Variants in CSMD1 observed in about 807,000 individuals in gnomAD.
CSMD1 encodes the protein CUB and Sushi multiple domains 1.
Under a neutral mutation model 417.5 loss-of-function variants are expected in CSMD1, and 213 were observed. That is an observed-to-expected ratio of 0.51 (90% confidence interval 0.46 to 0.57). CSMD1 has a LOEUF of 0.57. CSMD1 is among the 20% of genes least tolerant of loss of function. CSMD1 has a pLI of 0.00. For missense variants in CSMD1, 6,923 were observed against 4,529.7 expected (o/e 1.53, Z -15.17); for synonymous variants, 2,862 against 1,736.8 (o/e 1.65, Z -16.11).
chr8:3,510,732 T>C (rs1797029808), intron 10 of CSMD1, among the ~76,000 whole-genome samples: 1 of 151,840 alleles, frequency 6.6e-6, no homozygotes, highest in Non-Finnish European at 1.5e-5. Flanking sequence ...CTCATTGTGG[T>C]TTTGATTTGC....
At chr8:4,908,952 T>C (rs987325466) in intron 1 of CSMD1, among the ~76,000 whole-genome samples, 2 of 152,190 alleles carry the variant, frequency 1.3e-5, no homozygotes, top group Non-Finnish European at 2.9e-5. Flanking sequence ...TCCGAACGTG[T>C]TTTCCTTGCC....
intron 2 of CSMD1, among the ~76,000 whole-genome samples, chr8:4,630,088 CA>C (rs1295293055): frequency 6.6e-6 from 1 of 152,106 alleles, no homozygotes; most frequent in Non-Finnish European, 1.5e-5. Flanking sequence ...TTAGCTACCG[CA>C]AAACACACCA....
At chr8:4,977,384 A>C (rs1214310621) in intron 1 of CSMD1, among the ~76,000 whole-genome samples, 1 of 152,130 alleles carries the variant, frequency 6.6e-6, no homozygotes, top group Non-Finnish European at 1.5e-5. Flanking sequence ...TCCTCATGGC[A>C]CAAGTTGAAA....
intron 5 of CSMD1, among the ~76,000 whole-genome samples, chr8:3,936,955 C>A (rs78938447): frequency 1.8e-4 from 28 of 152,004 alleles, no homozygotes; most frequent in Non-Finnish European, 2.9e-5. Flanking sequence ...AATACCAGCA[C>A]GAACAGGAGT....
At chr8:4,606,788 G>A (rs577048150) in intron 2 of CSMD1, among the ~76,000 whole-genome samples, 1 of 152,266 alleles carries the variant, frequency 6.6e-6, no homozygotes, top group Non-Finnish European at 1.5e-5. Flanking sequence ...ACATAAAGGG[G>A]AGTATCATTT....
At chr8:3,027,750 C>G (rs1487193723) in intron 51 of CSMD1, among the ~76,000 whole-genome samples, 2 of 152,148 alleles carry the variant, frequency 1.3e-5, no homozygotes, top group Non-Finnish European at 2.9e-5. Flanking sequence ...CACCAGAATA[C>G]AGTTGATAAA....
At chr8:3,700,804 G>C (rs1800816746) in intron 7 of CSMD1, among the ~76,000 whole-genome samples, 1 of 152,136 alleles carries the variant, frequency 6.6e-6, no homozygotes, top group Non-Finnish European at 1.5e-5. Context: ...TGGGAGCAAA[G>C]GAGTTCTTTG....
chr8:4,081,868 A>G (rs953583900), intron 3 of CSMD1, among the ~76,000 whole-genome samples: 3 of 152,188 alleles, frequency 2.0e-5, no homozygotes, highest in African/African-American at 4.8e-5. Context: ...AAAATAAGAC[A>G]TATCAAAATG....
chr8:3,241,187 C>T (rs1585761006), intron 26 of CSMD1, among the ~76,000 whole-genome samples: 1 of 151,354 alleles, frequency 6.6e-6, no homozygotes, highest in Non-Finnish European at 1.5e-5. Context: ...GTGTCTCGGC[C>T]TAATAAGGGA....
At chr8:4,072,785 G>A (rs186612929) in intron 3 of CSMD1, among the ~76,000 whole-genome samples, 23 of 152,270 alleles carry the variant, frequency 1.5e-4, no homozygotes, top group Middle Eastern at 6.8e-3. Context: ...TCACAGTCAT[G>A]GAAATTGAGT....
chr8:4,052,097 T>C (rs1326068127), intron 3 of CSMD1, among the ~76,000 whole-genome samples: 2 of 151,968 alleles, frequency 1.3e-5, no homozygotes, highest in Non-Finnish European at 2.9e-5. Flanking sequence ...AATTTCTGTA[T>C]TTTTAAAAAT....
chr8:3,428,949 C>T (rs1326470280), intron 12 of CSMD1, among the ~76,000 whole-genome samples: 4 of 152,156 alleles, frequency 2.6e-5, no homozygotes, highest in African/African-American at 9.7e-5. Context: ...GAAAGACAAG[C>T]ACATCATCAT....
intron 3 of CSMD1, among the ~76,000 whole-genome samples, chr8:4,234,424 GA>G (rs1801926299): frequency 6.6e-6 from 1 of 152,030 alleles, no homozygotes; most frequent in African/African-American, 2.4e-5. Flanking sequence ...CTCTTCCATG[GA>G]AACTACCTTT....
chr8:4,163,452 A>G (rs1563207737), intron 3 of CSMD1, among the ~76,000 whole-genome samples: 1 of 152,252 alleles, frequency 6.6e-6, no homozygotes, highest in East Asian at 1.9e-4. Flanking sequence ...TTACGTTTGT[A>G]TTTTAATGTG....
chr8:4,190,235 G>T (rs1189563649), intron 3 of CSMD1, among the ~76,000 whole-genome samples: 1 of 145,354 alleles, frequency 6.9e-6, no homozygotes, highest in Non-Finnish European at 1.5e-5. Flanking sequence ...CTCCAGCCTG[G>T]GCAACAAACT....
intron 11 of CSMD1, among the ~76,000 whole-genome samples, chr8:3,475,732 A>T (rs1235123663): frequency 6.6e-6 from 1 of 152,220 alleles, no homozygotes; most frequent in Non-Finnish European, 1.5e-5. Context: ...AACAGTGATT[A>T]TTTCTCCAAT....
At chr8:3,575,317 C>T (rs180891187) in intron 9 of CSMD1, among the ~76,000 whole-genome samples, 1 of 152,104 alleles carries the variant, frequency 6.6e-6, no homozygotes, top group Non-Finnish European at 1.5e-5. Context: ...TATCCACTCA[C>T]CAAAGGATCT....
At chr8:4,596,502 A>G (rs4875368) in intron 2 of CSMD1, among the ~76,000 whole-genome samples, 68,836 of 152,034 alleles carry the variant, frequency 0.45, 17,806 homozygotes, top group Non-Finnish European at 0.58. Context: ...TGTATAACAC[A>G]CAAGACTCTG....
intron 5 of CSMD1, among the ~76,000 whole-genome samples, chr8:3,959,535 G>A (rs1306161807): frequency 6.6e-6 from 1 of 152,106 alleles, no homozygotes; most frequent in African/African-American, 2.4e-5. Context: ...ACGAACGAAA[G>A]AAAGAAAAGA....
Sources: gnomAD v4.1 joint callset for allele counts (sites outside exome capture counted in the v4.1 genomes callset) on GRCh38, gnomAD v4.1.1 for gene constraint, MANE v1.5 for transcripts, NCBI Gene and HGNC (gene_info 2026-07-23, HGNC 2026-07-21) for gene names.